Variants in CDS1 observed in about 807,000 individuals in gnomAD.
CDS1 encodes the protein CDP-diacylglycerol synthase 1.
CDS1 carries 41 observed loss-of-function variants against 62.1 expected under a neutral mutation model. That is an observed-to-expected ratio of 0.66 (90% CI 0.51 to 0.86). CDS1 has a LOEUF of 0.86. Ranked by LOEUF, CDS1 falls within the 40% of genes least tolerant of loss-of-function variation. CDS1 has a pLI of 0.00. For missense variants in CDS1, 470 were observed against 550.1 expected, an observed-to-expected ratio of 0.85 and a Z score of 1.46; for synonymous variants, 185 against 192.6, an observed-to-expected ratio of 0.96 and a Z score of 0.32.
intron 2 of CDS1, among the ~76,000 whole-genome samples, chr4:84,609,180 C>CA (rs1230335142): frequency 0.066 from 5,978 of 90,772 alleles, 319 homozygotes; most frequent in African/African-American, 0.18. Context: ...GACTCCGTCT[C>CA]AAAAAAAAAA....
intron 5 of CDS1, among the ~76,000 whole-genome samples, chr4:84,631,181 A>G (rs1016919247): frequency 6.6e-6 from 1 of 152,256 alleles, no homozygotes; most frequent in Admixed American, 6.5e-5. Context: ...TCATGGAACC[A>G]CGTGACTCTT....
intron 1 of CDS1, among the ~76,000 whole-genome samples, chr4:84,601,947 A>G (rs1722950926): frequency 6.6e-6 from 1 of 152,064 alleles, no homozygotes; most frequent in African/African-American, 2.4e-5. Context: ...ACATACATAC[A>G]TACATACATA....
chr4:84,636,303 C>T (rs996990486), intron 8 of CDS1, among the ~76,000 whole-genome samples: 2 of 151,976 alleles, frequency 1.3e-5, no homozygotes, highest in African/African-American at 2.4e-5. Context: ...CAATAAAATA[C>T]TAATAAAATA....
At chr4:84,592,217 G>A (rs1194414696) in intron 1 of CDS1, among the ~76,000 whole-genome samples, 1 of 135,732 alleles carries the variant, frequency 7.4e-6, no homozygotes. Context: ...AGGCTGGAGT[G>A]CAGTGGCACG....
chr4:84,620,874 A>G (rs1415058138), intron 5 of CDS1, among the ~76,000 whole-genome samples: 1 of 152,070 alleles, frequency 6.6e-6, no homozygotes, highest in Non-Finnish European at 1.5e-5. Flanking sequence ...CAGCCTGACC[A>G]ACATGGAGAA....
At chr4:84,601,423 C>A (rs1042551667) in intron 1 of CDS1, among the ~76,000 whole-genome samples, 8 of 152,006 alleles carry the variant, frequency 5.3e-5, no homozygotes, top group Admixed American at 3.9e-4. Flanking sequence ...TCAAATGATG[C>A]CAGTGGAAAA....
chr4:84,599,426 A>G (rs539234560), intron 1 of CDS1, among the ~76,000 whole-genome samples: 2 of 20,954 alleles, frequency 9.5e-5, no homozygotes, highest in South Asian at 6.9e-3. Context: ...ATATATATAT[A>G]TATATATATA....
chr4:84,632,778 T>C (rs1293291959), intron 6 of CDS1, among the ~76,000 whole-genome samples: 1 of 152,162 alleles, frequency 6.6e-6, no homozygotes, highest in African/African-American at 2.4e-5. Flanking sequence ...TAGAATAAAA[T>C]AGAGCAACCA....
intron 1 of CDS1, among the ~76,000 whole-genome samples, chr4:84,597,772 G>A (rs1722796559): frequency 1.3e-5 from 2 of 152,140 alleles, no homozygotes; most frequent in Non-Finnish European, 2.9e-5. Context: ...CAGATAGAAA[G>A]CAGTTCCTTC....
Position 84,622,633 on chromosome 4 carries a change from T to C in CDS1, c.580+3100T>C, listed in dbSNP as rs185654691. On this transcript the variant is annotated intron_variant, in intron 5 of 12. Transcript: ENST00000295887. The stretch of plus-strand genomic sequence containing the variant: ...ATAATAAAAGAACAATTGTGGTTAA[T>C]TAAAACATAAATCATTTCTATCATT... Among the ~76,000 whole-genome samples, 23 of 152,238 alleles carry C rather than the reference T, an allele frequency of 1.5e-4. No homozygotes were observed. In the East Asian group the frequency reaches 3.5e-3, roughly 23 times the overall value.
chr4:84,588,126 CTGAAG>C (rs991483460), intron 1 of CDS1, among the ~76,000 whole-genome samples: 1 of 152,118 alleles, frequency 6.6e-6, no homozygotes, highest in Non-Finnish European at 1.5e-5. Context: ...TTGCTAGACC[CTGAAG>C]TGGGAGAAAA....
chr4:84,609,532 T>A lies in CDS1; in HGVS notation c.342+7T>A. ...CTTCATGCTGATGCTTCTTGTAAGT[T>A]TTTGACTTTTCCCTGAGTGTCTCTT... On this transcript the variant is annotated splice_region_variant and intron_variant, in intron 3 of 12. Coordinates refer to ENST00000295887, the MANE Select transcript of CDS1 (RefSeq NM_001263.4). 6.6e-7 allele frequency: 1 copy of A among 1,519,318 alleles called. No homozygotes were observed. Among genetic ancestry groups the A allele is most frequent in the Non-Finnish European group, 9.1e-7 (1 of 1,095,772 alleles). 94.1% of individuals were successfully genotyped at this position (1,519,318 alleles called of 1,614,324 possible). A position where few individuals can be genotyped will look rare whatever the true frequency, so the allele number is the denominator to read the frequency against.
At chr4:84,636,344 A>T (rs1191998640) in intron 8 of CDS1, among the ~76,000 whole-genome samples, 3 of 152,202 alleles carry the variant, frequency 2.0e-5, no homozygotes, top group Non-Finnish European at 4.4e-5. Context: ...AGGAAAATAC[A>T]CATGAGTAGA....
intron 1 of CDS1, among the ~76,000 whole-genome samples, chr4:84,602,636 C>A (rs921852512): frequency 5.3e-5 from 8 of 152,046 alleles, no homozygotes; most frequent in Non-Finnish European, 1.2e-4. Context: ...CCCCACTACC[C>A]CTCACACCAC....
chr4:84,619,278 G>T, intron 4 of CDS1, 116 bp from the exon 5 acceptor site: 1 of 485,684 alleles, frequency 2.1e-6, no homozygotes, highest in Non-Finnish European at 3.5e-6. Flanking sequence ...ATCTTGAATT[G>T]GTCTTCTGAA....
chr4:84,630,507 G>A (rs1215497385), intron 5 of CDS1, among the ~76,000 whole-genome samples: 1 of 152,174 alleles, frequency 6.6e-6, no homozygotes, highest in Non-Finnish European at 1.5e-5. Flanking sequence ...TCTTTGCTTG[G>A]TGAGAGTAGT....
intron 6 of CDS1, among the ~76,000 whole-genome samples, chr4:84,632,796 A>C (rs1724063651): frequency 6.6e-6 from 1 of 152,224 alleles, no homozygotes. Flanking sequence ...CCAATATAAT[A>C]TGGTTGCTTA....
At chr4:84,635,835 C>T (rs574168024) in intron 8 of CDS1, among the ~76,000 whole-genome samples, 5 of 150,904 alleles carry the variant, frequency 3.3e-5, no homozygotes, top group African/African-American at 1.2e-4. Flanking sequence ...TGGCTCACTG[C>T]AGCTTCCACC....
chr4:84,615,364 T>C (rs1723455847), intron 3 of CDS1, among the ~76,000 whole-genome samples: 1 of 151,974 alleles, frequency 6.6e-6, no homozygotes, highest in African/African-American at 2.4e-5. Flanking sequence ...CACCTTATTC[T>C]CCCAAACTCT....
Sources: gnomAD v4.1 joint callset for allele counts (sites outside exome capture counted in the v4.1 genomes callset) on GRCh38, gnomAD v4.1.1 for gene constraint, MANE v1.5 for transcripts, NCBI Gene and HGNC (gene_info 2026-07-23, HGNC 2026-07-21) for gene names.